SLCO6A1: variants seen among roughly 807,000 people sequenced by gnomAD.
The protein encoded by SLCO6A1 is solute carrier organic anion transporter family member 6A1, also known as cancer/testis antigen 48.
SLCO6A1 carries 65 observed loss-of-function variants against 72.7 expected under a neutral mutation model. The observed-to-expected ratio is 0.89, with a 90% CI of 0.73 to 1.10. SLCO6A1 has a LOEUF of 1.10. SLCO6A1 is among the 50% of genes least tolerant of loss of function. The pLI, the probability that SLCO6A1 is intolerant of heterozygous loss-of-function variation, is 0.00. For missense variants in SLCO6A1, 874 were observed against 872.6 expected, an observed-to-expected ratio of 1.00 and a Z score of -0.02; for synonymous variants, 314 against 298.2, an observed-to-expected ratio of 1.05 and a Z score of -0.55.
chr5:102,460,899 CATAT>C (rs60973292), intron 4 of SLCO6A1, among the ~76,000 whole-genome samples: 128 of 129,700 alleles, frequency 9.9e-4, no homozygotes, highest in Non-Finnish European at 1.1e-3. Context: ...CCACTTATCT[CATAT>C]ATATATATAT....
At chr5:102,376,885 C>T (rs2112471313) in intron 12 of SLCO6A1, among the ~76,000 whole-genome samples, 1 of 152,244 alleles carries the variant, frequency 6.6e-6, no homozygotes, top group East Asian at 1.9e-4. Flanking sequence ...AAAATGTGAG[C>T]TGGGCACAGT....
intron 7 of SLCO6A1, among the ~76,000 whole-genome samples, chr5:102,433,472 T>C (rs1749331259): frequency 6.6e-6 from 1 of 152,200 alleles, no homozygotes; most frequent in Admixed American, 6.5e-5. Context: ...GAGGGTTTGC[T>C]TGTTGTATAA....
At chr5:102,493,580 A>G (rs774908989) in intron 1 of SLCO6A1, among the ~76,000 whole-genome samples, 3 of 152,198 alleles carry the variant, frequency 2.0e-5, no homozygotes, top group Non-Finnish European at 4.4e-5. Flanking sequence ...TAAAAATCAG[A>G]AAAATATCAA....
Position 102,388,723 on chromosome 5 carries a change from T to A in SLCO6A1, c.1982A>T (p.Asn661Ile), listed in dbSNP as rs199624995. ...CAATAAGAAAGCCATTTTTGTCTTGTTATATATCCAACAACGTCCTGTGTG... is the reference window on the plus strand; with the variant it reads ...CAATAAGAAAGCCATTTTTGTCTTGATATATATCCAACAACGTCCTGTGTG... ...CGHTGRCWIYNKTKMAFLLVG... is the reference protein window; with the variant it reads ...CGHTGRCWIYIKTKMAFLLVG... The change falls in exon 12 of 14, where the codon AAC (asparagine) becomes ATC (isoleucine). Residue 661 changes from asparagine (N) to isoleucine (I), a missense_variant. By Grantham distance (149) the Asn-to-Ile change is moderately radical. Coordinates refer to ENST00000506729, the MANE Select transcript of SLCO6A1 (RefSeq NM_173488.5). 2.8e-5 allele frequency: 44 copies of A among 1,599,448 alleles called. No homozygotes were observed. The East Asian group carries it at 9.5e-4, about 35-fold the overall frequency.
intron 6 of SLCO6A1, among the ~76,000 whole-genome samples, chr5:102,448,637 C>T (rs1315376835): frequency 6.6e-6 from 1 of 151,978 alleles, no homozygotes; most frequent in Admixed American, 6.6e-5. Flanking sequence ...CCCCTTTGTC[C>T]TTTTTGATTA....
At chr5:102,451,066 G>C (rs1750388655) in intron 6 of SLCO6A1, among the ~76,000 whole-genome samples, 1 of 152,130 alleles carries the variant, frequency 6.6e-6, no homozygotes, top group Non-Finnish European at 1.5e-5. Flanking sequence ...AAGTGGAGAG[G>C]CCCTGCCCAG....
At chr5:102,426,792 A>T (rs1020686022) in intron 7 of SLCO6A1, among the ~76,000 whole-genome samples, 1 of 152,152 alleles carries the variant, frequency 6.6e-6, no homozygotes, top group African/African-American at 2.4e-5. Flanking sequence ...GATTATAAAT[A>T]ATTCTACAAT....
chr5:102,420,311 GC>G (rs1273221631), intron 7 of SLCO6A1, among the ~76,000 whole-genome samples: 1 of 152,164 alleles, frequency 6.6e-6, no homozygotes, highest in Non-Finnish European at 1.5e-5. Context: ...CTTAGTCCAT[GC>G]AAAATGGAAG....
At chr5:102,374,357 G>A (rs1745658285) in intron 12 of SLCO6A1, among the ~76,000 whole-genome samples, 1 of 152,024 alleles carries the variant, frequency 6.6e-6, no homozygotes, top group African/African-American at 2.4e-5. Context: ...CTCAGGCAGG[G>A]GTACCCCTAA....
intron 10 of SLCO6A1, among the ~76,000 whole-genome samples, chr5:102,397,825 T>C (rs1459946533): frequency 6.6e-6 from 1 of 152,188 alleles, no homozygotes; most frequent in Non-Finnish European, 1.5e-5. Flanking sequence ...TTCAACTTTG[T>C]CATTTTTTTG....
intron 1 of SLCO6A1, among the ~76,000 whole-genome samples, chr5:102,488,942 G>C (rs1752557101): frequency 6.6e-6 from 1 of 152,212 alleles, no homozygotes; most frequent in African/African-American, 2.4e-5. Flanking sequence ...AGAATTGAGA[G>C]ACAGAAGATT....
chr5:102,492,948 C>T (rs1752749742), intron 1 of SLCO6A1, among the ~76,000 whole-genome samples: 1 of 152,076 alleles, frequency 6.6e-6, no homozygotes, highest in African/African-American at 2.4e-5. Context: ...TCTGTAGACT[C>T]CACCTCTAGG....
At chr5:102,380,624 C>T (rs2112483043) in intron 12 of SLCO6A1, among the ~76,000 whole-genome samples, 1 of 152,004 alleles carries the variant, frequency 6.6e-6, no homozygotes. Flanking sequence ...GGCATAAAAC[C>T]TTTAGCAATG....
rs1192315166 is a variant in SLCO6A1 at position 102,427,840 on chromosome 5, G to GTA, written c.1277-7821_1277-7820dup. Among the ~76,000 whole-genome samples, 462 of 102,676 alleles carry GTA rather than the reference G, an allele frequency of 4.5e-3. 1 individual carries two copies. The highest frequency in any genetic ancestry group is 6.6e-3 in the Non-Finnish European group (328 of 49,552). 67.4% of individuals were successfully genotyped at this position (102,676 alleles called of 152,430 possible). A position where few individuals can be genotyped will look rare whatever the true frequency, so the allele number is the denominator to read the frequency against. ...AAACCCCCTCTCTCTGTGTGTGTAT[G>GTA]TATACATATATATATATATATATAT... On this transcript the variant is annotated intron_variant, in intron 7 of 13. Transcript: ENST00000506729.
chr5:102,445,807 T>G (rs757556704), intron 6 of SLCO6A1, among the ~76,000 whole-genome samples: 2 of 152,200 alleles, frequency 1.3e-5, no homozygotes, highest in Non-Finnish European at 2.9e-5. Context: ...TATCCCAGCA[T>G]CATTTATTGA....
chr5:102,454,378 C>G (rs1201525703), intron 6 of SLCO6A1, among the ~76,000 whole-genome samples: 1 of 152,178 alleles, frequency 6.6e-6, no homozygotes, highest in Non-Finnish European at 1.5e-5. Context: ...TTATTGTATG[C>G]CTTTGCTTAA....
chr5:102,380,922 G>A (rs1746069589), intron 12 of SLCO6A1, among the ~76,000 whole-genome samples: 1 of 151,640 alleles, frequency 6.6e-6, no homozygotes, highest in South Asian at 2.1e-4. Flanking sequence ...ACCAGTCCAT[G>A]GAATTCTTTT....
chr5:102,450,465 G>T (rs976210981), intron 6 of SLCO6A1, among the ~76,000 whole-genome samples: 1 of 152,208 alleles, frequency 6.6e-6, no homozygotes, highest in African/African-American at 2.4e-5. Flanking sequence ...TGGCCAGTAG[G>T]TGGGCTCTTG....
At chr5:102,490,530 T>A (rs1220860056) in intron 1 of SLCO6A1, among the ~76,000 whole-genome samples, 4 of 152,232 alleles carry the variant, frequency 2.6e-5, no homozygotes, top group African/African-American at 9.6e-5. Flanking sequence ...ATTGGTGGGT[T>A]CTTGGTCTCA....
Sources: allele counts gnomAD v4.1 joint callset (sites outside exome capture counted in the v4.1 genomes callset), GRCh38; gene constraint gnomAD v4.1.1; transcripts MANE v1.5; gene names NCBI Gene and HGNC (gene_info 2026-07-23, HGNC 2026-07-21).